Variants in MGAT5 observed in about 807,000 individuals in gnomAD.
MGAT5 encodes alpha-1,6-mannosylglycoprotein 6-beta-N-acetylglucosaminyltransferase A.
In MGAT5, 30 loss-of-function variants were observed where a neutral mutation model predicts 94.3. The ratio of observed to expected loss-of-function variants is 0.32; its 90% CI spans 0.24 to 0.43. MGAT5 has a LOEUF of 0.43. Among genes scored for constraint, MGAT5 ranks in the 20% least tolerant of loss-of-function variants. MGAT5 has a pLI of 1.00. For synonymous variants in MGAT5, 310 were observed against 322.9 expected, an observed-to-expected ratio of 0.96 and a Z score of 0.43; for missense variants, 691 against 905.5, an observed-to-expected ratio of 0.76 and a Z score of 3.04.
At chr2:134,316,245 A>G (rs1323683091) in intron 2 of MGAT5, among the ~76,000 whole-genome samples, 2 of 152,202 alleles carry the variant, frequency 1.3e-5, no homozygotes, top group African/African-American at 4.8e-5. Context: ...GGTAAAGATC[A>G]GGGTACTTAT....
In MGAT5 at chr2:134,347,532, G is replaced by A. The variant is rs757940721; in HGVS notation, c.1113-2273G>A. Among the ~76,000 whole-genome samples the A allele has an allele frequency of 7.2e-5, 11 of 152,166 alleles. 1 individual carries two copies. The South Asian group carries it at 8.3e-4, about 11-fold the overall frequency. On this transcript the variant is annotated intron_variant, in intron 8 of 15. Coordinates refer to ENST00000281923, the MANE Select transcript of MGAT5 (RefSeq NM_002410.5). ...AAAGCTAGAGAAGAGTATATCGTTA[G>A]CATTTTATATCCATGAGTTCCACAT...
intron 4 of MGAT5, among the ~76,000 whole-genome samples, chr2:134,319,050 C>T (rs1164340372): frequency 6.6e-6 from 1 of 152,176 alleles, no homozygotes; most frequent in Non-Finnish European, 1.5e-5. Context: ...AGTATATTCA[C>T]ATCATTGTGC....
chr2:134,148,965 A>G (rs1687051348), intron 1 of MGAT5, among the ~76,000 whole-genome samples: 1 of 151,932 alleles, frequency 6.6e-6, no homozygotes, highest in African/African-American at 2.4e-5. Flanking sequence ...TGGTTTCGCC[A>G]TGTTGGCCAT....
chr2:134,129,248 A>G (rs1299780809), intron 1 of MGAT5, among the ~76,000 whole-genome samples: 1 of 152,148 alleles, frequency 6.6e-6, no homozygotes, highest in East Asian at 1.9e-4. Flanking sequence ...AATGCCAGCA[A>G]TGTCCAGCTG....
chr2:134,207,279 C>T (rs903555052), intron 1 of MGAT5, among the ~76,000 whole-genome samples: 1 of 152,180 alleles, frequency 6.6e-6, no homozygotes, highest in African/African-American at 2.4e-5. Flanking sequence ...ACCTTAACTC[C>T]ATCTGCATCC....
chr2:134,267,038 C>T (rs1254996529), intron 1 of MGAT5, among the ~76,000 whole-genome samples: 5 of 152,130 alleles, frequency 3.3e-5, no homozygotes, highest in African/African-American at 7.2e-5. Flanking sequence ...GATACTGGGT[C>T]GGGTGGACAG....
At chr2:134,306,036 T>G (rs1234890058) in intron 2 of MGAT5, among the ~76,000 whole-genome samples, 1 of 152,310 alleles carries the variant, frequency 6.6e-6, no homozygotes, top group East Asian at 1.9e-4. Context: ...AAACTTTTTT[T>G]TCTGGGAATA....
chr2:134,188,297 G>C (rs4954117), intron 1 of MGAT5, among the ~76,000 whole-genome samples: 2 of 152,292 alleles, frequency 1.3e-5, no homozygotes, highest in Non-Finnish European at 2.9e-5. Context: ...ATAAGGCACA[G>C]CTTTTCCTGT....
chr2:134,416,710 G>A (rs72980073), intron 12 of MGAT5, among the ~76,000 whole-genome samples: 3,460 of 150,684 alleles, frequency 0.023, 107 homozygotes, highest in African/African-American at 0.071. Flanking sequence ...GGACTAAAGC[G>A]ACCCTTCCAA....
chr2:134,358,455 T>TA (rs1362729581), intron 9 of MGAT5, among the ~76,000 whole-genome samples: 1 of 152,212 alleles, frequency 6.6e-6, no homozygotes, highest in Non-Finnish European at 1.5e-5. Context: ...AAAGCGTGTT[T>TA]ATTGCAGAAG....
rs1684175220 is a variant in MGAT5, at chr2:134,273,708, T to G, written c.406+3158T>G. 3.9e-5 allele frequency among the ~76,000 whole-genome samples: 6 copies of G among 152,110 alleles called. No individual in the cohort carries two copies. In the South Asian group the frequency reaches 1.2e-3, roughly 32 times the overall value. ...TGTGTAGCTTTTATCCAGTATGGCT[T>G]ATCTTCACAAATTTATCACCGAGGG... On this transcript the variant is annotated intron_variant, in intron 2 of 15. Transcript: ENST00000281923.
chr2:134,293,532 G>C (rs1269619140), intron 2 of MGAT5, among the ~76,000 whole-genome samples: 1 of 151,838 alleles, frequency 6.6e-6, no homozygotes, highest in African/African-American at 2.4e-5. Flanking sequence ...GTAGTGGTGC[G>C]ATCTGGGTTC....
chr2:134,303,294 T>C (rs1686142644), intron 2 of MGAT5, among the ~76,000 whole-genome samples: 1 of 152,192 alleles, frequency 6.6e-6, no homozygotes, highest in African/African-American at 2.4e-5. Flanking sequence ...GTTGACTGTT[T>C]TTCTTGCCTT....
At chr2:134,190,627 C>G (rs1050407193) in intron 1 of MGAT5, among the ~76,000 whole-genome samples, 9 of 152,082 alleles carry the variant, frequency 5.9e-5, no homozygotes, top group African/African-American at 2.2e-4. Context: ...AAAGGAGGCC[C>G]TTTGTTTTCA....
intron 1 of MGAT5, among the ~76,000 whole-genome samples, chr2:134,204,376 A>G (rs1426126289): frequency 6.6e-6 from 1 of 152,158 alleles, no homozygotes; most frequent in Non-Finnish European, 1.5e-5. Flanking sequence ...TCCTTGGCTA[A>G]TGAAATTAGC....
intron 14 of MGAT5, among the ~76,000 whole-genome samples, chr2:134,429,365 C>G: frequency 6.6e-6 from 1 of 152,190 alleles, no homozygotes; most frequent in Non-Finnish European, 1.5e-5. Context: ...TCATATACTT[C>G]GGGGTGGTGT....
At chr2:134,349,721 G>T in intron 8 of MGAT5, 84 bp from the exon 9 acceptor site, 1 of 1,473,772 alleles carries the variant, frequency 6.8e-7, no homozygotes, top group Non-Finnish European at 9.2e-7. Flanking sequence ...ATTTTTAGTA[G>T]TCTTGAAGGA....
At chr2:134,154,702 GT>G (rs1451299323) in intron 1 of MGAT5, among the ~76,000 whole-genome samples, 1 of 152,148 alleles carries the variant, frequency 6.6e-6, no homozygotes, top group Non-Finnish European at 1.5e-5. Flanking sequence ...GATCCATACC[GT>G]TTTACCAAGC....
At chr2:134,306,298 G>A (rs1184118395) in intron 2 of MGAT5, among the ~76,000 whole-genome samples, 4 of 152,086 alleles carry the variant, frequency 2.6e-5, no homozygotes, top group African/African-American at 9.7e-5. Context: ...GCATTAAAAA[G>A]CACTCTAATT....
Sources: gnomAD v4.1 joint callset for allele counts (sites outside exome capture counted in the v4.1 genomes callset) on GRCh38, gnomAD v4.1.1 for gene constraint, MANE v1.5 for transcripts, NCBI Gene and HGNC (gene_info 2026-07-23, HGNC 2026-07-21) for gene names.